The following ALDH2 variants were observed in gnomAD, a reference collection of about 807,000 sequenced individuals.
ALDH2 encodes the protein aldehyde dehydrogenase 2 family member, also known as aldehyde dehydrogenase, mitochondrial.
A neutral mutation model predicts 59.6 loss-of-function variants in ALDH2; 44 were observed. The ratio of observed to expected loss-of-function variants is 0.74; its 90% CI spans 0.58 to 0.95. The LOEUF is 0.95. ALDH2 is among the 40% of genes least tolerant of loss of function. The pLI is 0.00. For missense variants in ALDH2, 570 were observed against 696.3 expected (o/e 0.82, Z 2.04); for synonymous variants, 291 against 284.0 (o/e 1.02, Z -0.25).
At chr12:111,793,665 G>A (rs1358626792) in intron 9 of ALDH2, among the ~76,000 whole-genome samples, 1 of 151,378 alleles carries the variant, frequency 6.6e-6, no homozygotes, top group Admixed American at 6.6e-5. Flanking sequence ...GCACGATCTC[G>A]ACTCATGCCT....
chr12:111,809,840 C>A lies in ALDH2; in HGVS notation c.*265C>A. The A allele has an allele frequency of 1.9e-6, 1 of 528,186 alleles. No homozygotes were observed. The allele number at this position is 528,186 out of a possible 1,614,324, so 32.7% of individuals were successfully genotyped here. A position where few individuals can be genotyped will look rare whatever the true frequency, so the allele number is the denominator to read the frequency against. On this transcript the variant is annotated 3_prime_UTR_variant, in exon 13 of 13. Coordinates refer to ENST00000261733, the MANE Select transcript of ALDH2 (RefSeq NM_000690.4). ...TAAAAAATAGATTCAAATGTGTTATCCTCTCTCTGAAACGCTTCCTATAAC... is the reference window on the plus strand; with the variant it reads ...TAAAAAATAGATTCAAATGTGTTATACTCTCTCTGAAACGCTTCCTATAAC...
chr12:111,798,122 G>C lies in ALDH2; in HGVS notation c.1128G>C (p.Thr376=), dbSNP rs182362882. The part of the protein sequence containing the change: ...QFKKILGYIN[T]GKQEGAKLLC... ...AGAAGATCCTCGGCTACATCAACAC[G>C]GGGAAGCAAGAGGGGGCGAAGCTGC... Residue 376 remains threonine (T), a synonymous_variant, in exon 10 of 13, where the codon ACG becomes ACC. Coordinates refer to ENST00000261733, the MANE Select transcript of ALDH2 (RefSeq NM_000690.4). 6 of 1,614,048 alleles carry C rather than the reference G, an allele frequency of 3.7e-6. No individual in the cohort carries two copies. In the South Asian group the frequency reaches 6.6e-5, roughly 18 times the overall value.
chr12:111,783,013 G>A (rs886325601), intron 2 of ALDH2, 145 bp from the exon 3 acceptor site: 9 of 1,011,892 alleles, frequency 8.9e-6, no homozygotes, highest in African/African-American at 3.2e-5. Context: ...TCAGGGCTCT[G>A]CCGGGCTAGG....
At chr12:111,792,895 G>A in intron 9 of ALDH2, 113 bp downstream of exon 9, 3 of 1,170,784 alleles carry the variant, frequency 2.6e-6, no homozygotes, top group Non-Finnish European at 3.5e-6. Flanking sequence ...CTACCACACA[G>A]CAGCTGTGTG....
Position 111,790,550 on chromosome 12 carries a change from C to A in ALDH2, c.669C>A (p.Asn223Lys). 6.2e-7 allele frequency: 1 copy of A among 1,614,148 alleles called. No individual in the cohort carries two copies. The highest frequency in any genetic ancestry group is 1.1e-5 in the South Asian group (1 of 91,078). ...CCCTCACCGCCCTCTATGTGGCCAA[C>A]CTGATCAAGGAGGTGCGTGGCTTAT... ...QTPLTALYVANLIKEAGFPPG... is the reference protein window; with the variant it reads ...QTPLTALYVAKLIKEAGFPPG... Residue 223 changes from asparagine to lysine, a missense_variant, in exon 6 of 13, where the codon AAC (asparagine) becomes AAA (lysine). Physicochemically the swap from Asn to Lys is moderately conservative, Grantham distance 94. Transcript: ENST00000261733.
chr12:111,779,466 AG>A (rs2068256387), intron 1 of ALDH2, among the ~76,000 whole-genome samples: 1 of 152,196 alleles, frequency 6.6e-6, no homozygotes. Context: ...CTGGGACTAC[AG>A]GTGTGAGCCA....
intron 4 of ALDH2, 58 bp from the exon 5 acceptor site, chr12:111,789,765 G>A: frequency 1.4e-6 from 2 of 1,431,466 alleles, no homozygotes; most frequent in East Asian, 4.6e-5. Flanking sequence ...TTTCTGCCAG[G>A]GTTTGCAGGG....
intron 12 of ALDH2, among the ~76,000 whole-genome samples, chr12:111,804,601 G>C (rs918907244): frequency 5.3e-5 from 8 of 152,102 alleles, no homozygotes; most frequent in African/African-American, 1.9e-4. Flanking sequence ...ACAAAAATTA[G>C]CCAGGTGTGG....
chr12:111,766,995 G>C lies in ALDH2; in HGVS notation c.13G>C (p.Ala5Pro). The change falls in exon 1 of 13, where the codon GCC becomes CCC. Residue 5 changes from alanine (A) to proline (P), a missense_variant. Coordinates refer to ENST00000261733, the MANE Select transcript of ALDH2 (RefSeq NM_000690.4). MLRAAARFGPRLGRR... is the reference protein window; with the variant it reads MLRAPARFGPRLGRR... Reference sequence around the variant, plus strand: ...CTAGCCCGCTGCGATGTTGCGCGCTGCCGCCCGCTTCGGGCCCCGCCTGGG... The same window carrying C: ...CTAGCCCGCTGCGATGTTGCGCGCTCCCGCCCGCTTCGGGCCCCGCCTGGG... 3 of 1,522,128 alleles carry C rather than the reference G, an allele frequency of 2.0e-6. No individual in the cohort carries two copies. Among genetic ancestry groups the C allele is most frequent in the Non-Finnish European group, 2.6e-6 (3 of 1,141,402 alleles). 94.3% of individuals were successfully genotyped at this position (1,522,128 alleles called of 1,614,324 possible).
chr12:111,774,733 A>G (rs930783040), intron 1 of ALDH2, among the ~76,000 whole-genome samples: 15 of 152,154 alleles, frequency 9.9e-5, no homozygotes, highest in African/African-American at 3.6e-4. Flanking sequence ...GGTGGTGGCC[A>G]GAATTTCATT....
chr12:111,801,777 G>A (rs751712826), intron 11 of ALDH2, among the ~76,000 whole-genome samples: 14 of 151,988 alleles, frequency 9.2e-5, no homozygotes, highest in Non-Finnish European at 1.6e-4. Flanking sequence ...TAGAATAGGC[G>A]AATCCATAGA....
chr12:111,804,057 G>A, intron 12 of ALDH2, 84 bp downstream of exon 12: 1 of 962,046 alleles, frequency 1.0e-6, no homozygotes, highest in Non-Finnish European at 1.5e-6. Context: ...GGGGATTGGG[G>A]TCTGTTGGGG....
At chr12:111,802,378 C>T (rs1309671785) in intron 11 of ALDH2, among the ~76,000 whole-genome samples, 1 of 147,800 alleles carries the variant, frequency 6.8e-6, no homozygotes, top group Non-Finnish European at 1.5e-5. Context: ...TGCCATTGCA[C>T]TCCAGCCTGG....
rs1004913005 is a variant in ALDH2 at position 111,797,327 on chromosome 12, G to A, written c.1084-751G>A. ...GTGATGACAATATACTGGATGCACC[G>A]TAATAATTTTAACCAACCCCTCTAC... On this transcript the variant is annotated intron_variant, in intron 9 of 12. Transcript: ENST00000261733. Among the ~76,000 whole-genome samples the A allele has an allele frequency of 6.6e-5, 10 of 152,254 alleles. No individual in the cohort carries two copies. In the East Asian group the frequency reaches 1.2e-3, roughly 18 times the overall value.
At chr12:111,776,515 C>G (rs1458999343) in intron 1 of ALDH2, among the ~76,000 whole-genome samples, 1 of 151,972 alleles carries the variant, frequency 6.6e-6, no homozygotes, top group Non-Finnish European at 1.5e-5. Flanking sequence ...AATCCCAGCA[C>G]TTTAGGAGTC....
chr12:111,791,239 C>A, intron 6 of ALDH2, 67 bp from the exon 7 acceptor site: 1 of 1,217,310 alleles, frequency 8.2e-7, no homozygotes, highest in Non-Finnish European at 1.2e-6. Context: ...AAGGATGTGT[C>A]TTCCCCTGGT....
At chr12:111,783,450 A>G in intron 3 of ALDH2, 152 bp downstream of exon 3, 2 of 952,692 alleles carry the variant, frequency 2.1e-6, no homozygotes, top group Non-Finnish European at 3.0e-6. Context: ...GGACACCTTT[A>G]GGGGGCACCT....
At chr12:111,788,984 A>C (rs1172955342) in intron 4 of ALDH2, among the ~76,000 whole-genome samples, 6 of 151,656 alleles carry the variant, frequency 4.0e-5, no homozygotes, top group African/African-American at 1.5e-4. Context: ...CAGCCTGGGC[A>C]ACTGAGCAAG....
At chr12:111,769,872 G>A (rs2068186628) in intron 1 of ALDH2, among the ~76,000 whole-genome samples, 1 of 152,106 alleles carries the variant, frequency 6.6e-6, no homozygotes, top group African/African-American at 2.4e-5. Flanking sequence ...ATGGCTGGGT[G>A]CAGTGGCTCA....
Sources: allele counts gnomAD v4.1 joint callset (sites outside exome capture counted in the v4.1 genomes callset), GRCh38; gene constraint gnomAD v4.1.1; transcripts MANE v1.5; gene names NCBI Gene and HGNC (gene_info 2026-07-23, HGNC 2026-07-21).